SMG1: variants seen among roughly 807,000 people sequenced by gnomAD.
The protein encoded by SMG1 is serine/threonine-protein kinase SMG1.
SMG1 carries 22 observed loss-of-function variants against 419.9 expected under a neutral mutation model. The observed-to-expected ratio is 0.05, with a 90% CI of 0.04 to 0.07. The LOEUF (loss-of-function observed/expected upper bound fraction) is 0.07, where lower values mean the gene tolerates loss of function less well. Ranked by LOEUF, SMG1 falls within the 10% of genes least tolerant of loss-of-function variation. The pLI is 1.00. For synonymous variants in SMG1, 1,538 were observed against 1,553.5 expected (o/e 0.99, Z 0.23); for missense variants, 3,185 against 4,342.0 (o/e 0.73, Z 7.49).
intron 55 of SMG1, among the ~76,000 whole-genome samples, chr16:18,827,554 A>T (rs2032804913): frequency 6.9e-6 from 1 of 145,052 alleles, no homozygotes; most frequent in Non-Finnish European, 1.5e-5. Flanking sequence ...ATTTTTTTAT[A>T]TATCTTTGGT....
intron 1 of SMG1, among the ~76,000 whole-genome samples, chr16:18,899,210 T>G (rs1246159145): frequency 6.6e-6 from 1 of 152,178 alleles, no homozygotes; most frequent in Non-Finnish European, 1.5e-5. Flanking sequence ...GGGTAATCTG[T>G]TGCTACCAAC....
chr16:18,851,818 C>G (rs2034619328), intron 33 of SMG1, among the ~76,000 whole-genome samples: 1 of 152,182 alleles, frequency 6.6e-6, no homozygotes, highest in Non-Finnish European at 1.5e-5. Context: ...GCTGGGATTA[C>G]AGGTGTGAGC....
chr16:18,846,377 T>C, intron 38 of SMG1, among the ~76,000 whole-genome samples: 1 of 152,080 alleles, frequency 6.6e-6, no homozygotes. Flanking sequence ...TTGAGCTACA[T>C]CAAAATTAAA....
chr16:18,863,335 C>T (rs550118501), intron 25 of SMG1, among the ~76,000 whole-genome samples: 1 of 152,326 alleles, frequency 6.6e-6, no homozygotes, highest in Middle Eastern at 3.4e-3. Flanking sequence ...AGCCATCAAA[C>T]ATGATTCTTT....
intron 23 of SMG1, among the ~76,000 whole-genome samples, chr16:18,865,174 A>C (rs2035433326): frequency 6.6e-6 from 1 of 152,246 alleles, no homozygotes; most frequent in Non-Finnish European, 1.5e-5. Context: ...TAACACAGGA[A>C]AAATTGAGAG....
rs1456141216 is a variant in SMG1 at position 18,896,682 on chromosome 16, A to G, written c.256+111T>C. The G allele has an allele frequency of 7.2e-6, 5 of 691,202 alleles. No homozygotes were observed. In the South Asian group the frequency reaches 7.8e-5, roughly 11 times the overall value. 42.8% of individuals were successfully genotyped at this position (691,202 alleles called of 1,614,324 possible). A position where few individuals can be genotyped will look rare whatever the true frequency, so the allele number is the denominator to read the frequency against. ...AGAAATAACACTGCATTTGTTATTC[A>G]TATTTTAAATATATTAGAAGAAAGC... On this transcript the variant is annotated intron_variant, in intron 2 of 62. Transcript: ENST00000446231.
chr16:18,849,945 T>C lies in SMG1; in HGVS notation c.5461+4A>G. 6.2e-7 allele frequency: 1 copy of C among 1,612,468 alleles called. No homozygotes were observed. Among genetic ancestry groups the C allele is most frequent in the South Asian group, 1.1e-5 (1 of 90,780 alleles). Reference sequence around the variant, plus strand: ...TTTCCTGAAACATTTTATGCAGGTCTCACCTCTCCATGGTGCAGTGGGTGT... The same window carrying C: ...TTTCCTGAAACATTTTATGCAGGTCCCACCTCTCCATGGTGCAGTGGGTGT... On this transcript the variant is annotated splice_donor_region_variant and intron_variant, in intron 35 of 62. Transcript: ENST00000446231.
At chr16:18,915,299 A>C (rs1402613664) in intron 1 of SMG1, among the ~76,000 whole-genome samples, 2 of 152,024 alleles carry the variant, frequency 1.3e-5, no homozygotes, top group African/African-American at 4.8e-5. Flanking sequence ...TCTTCTGTAA[A>C]AAGATCTGGC....
At chr16:18,848,842 G>A (rs1254036489) in intron 36 of SMG1, among the ~76,000 whole-genome samples, 3 of 151,682 alleles carry the variant, frequency 2.0e-5, no homozygotes, top group South Asian at 2.1e-4. Context: ...GGAGGCCGAG[G>A]CAAGTGGATC....
Position 18,847,445 on chromosome 16 carries a change from A to G in SMG1, c.5996+8T>C. The G allele has an allele frequency of 1.2e-6, 2 of 1,613,828 alleles. No homozygotes were observed. The highest frequency in any genetic ancestry group is 1.7e-6 in the Non-Finnish European group (2 of 1,179,698). On this transcript the variant is annotated splice_region_variant and intron_variant, in intron 38 of 62. Coordinates refer to ENST00000446231, the MANE Select transcript of SMG1 (RefSeq NM_015092.5). The stretch of plus-strand genomic sequence containing the variant: ...TCACTGTCTCAGGACAAGTGTATGG[A>G]AACATACTTGCGTAAGGTGTTGTTG...
chr16:18,834,521 A>G, intron 49 of SMG1, 83 bp from the exon 50 acceptor site: 2 of 1,338,862 alleles, frequency 1.5e-6, no homozygotes, highest in Non-Finnish European at 2.0e-6. Context: ...CCATGCCTGT[A>G]ATTCCAGCAT....
intron 1 of SMG1, among the ~76,000 whole-genome samples, chr16:18,916,357 T>C (rs2037978284): frequency 6.7e-6 from 1 of 150,132 alleles, no homozygotes; most frequent in African/African-American, 2.4e-5. Flanking sequence ...CTACCAAAAA[T>C]ACAAAAAATT....
chr16:18,847,811 T>C lies in SMG1; in HGVS notation c.5841+5A>G. On this transcript the variant is annotated splice_donor_5th_base_variant and intron_variant, in intron 37 of 62. Coordinates refer to ENST00000446231, the MANE Select transcript of SMG1 (RefSeq NM_015092.5). ...TTCTTCTACAACATGTGAGTTTCTT[T>C]GTACCTGTAATACCATGGTGGGGTT... 1 of 1,610,928 alleles carries C rather than the reference T, an allele frequency of 6.2e-7. No individual in the cohort carries two copies. Among genetic ancestry groups the C allele is most frequent in the Non-Finnish European group, 8.5e-7 (1 of 1,178,840 alleles).
intron 51 of SMG1, among the ~76,000 whole-genome samples, chr16:18,832,510 G>C (rs539910621): frequency 1.3e-5 from 2 of 152,210 alleles, no homozygotes; most frequent in African/African-American, 2.4e-5. Flanking sequence ...ATGTTCGACT[G>C]TGTGTATGTA....
chr16:18,886,940 G>A (rs2036636525), intron 6 of SMG1, among the ~76,000 whole-genome samples: 1 of 152,190 alleles, frequency 6.6e-6, no homozygotes, highest in African/African-American at 2.4e-5. Flanking sequence ...GAACACATAT[G>A]TAATAAAATT....
At chr16:18,900,495 G>C (rs1233755178) in intron 1 of SMG1, among the ~76,000 whole-genome samples, 3 of 152,158 alleles carry the variant, frequency 2.0e-5, no homozygotes, top group Non-Finnish European at 4.4e-5. Flanking sequence ...GAAAAAGAGA[G>C]AGAGTGTCAT....
At chr16:18,925,331 G>A (rs1200718164) in intron 1 of SMG1, 2 of 152,156 alleles carry the variant, frequency 1.3e-5, no homozygotes, top group Non-Finnish European at 2.9e-5. Context: ...ATTCACCAGA[G>A]TAACCGGCCT....
intron 3 of SMG1, 56 bp from the exon 4 acceptor site, chr16:18,892,410 T>C (rs2036924642): frequency 1.4e-6 from 2 of 1,403,168 alleles, no homozygotes; most frequent in Non-Finnish European, 1.9e-6. Context: ...AAAGATATTT[T>C]TAAATTTTTC....
chr16:18,847,792 T>C, intron 37 of SMG1, 24 bp downstream of exon 37: 1 of 1,605,190 alleles, frequency 6.2e-7, no homozygotes, highest in Non-Finnish European at 8.5e-7. Flanking sequence ...AAAATTCTTC[T>C]ACAACATGTG....
Sources: gnomAD v4.1 joint callset for allele counts (sites outside exome capture counted in the v4.1 genomes callset) on GRCh38, gnomAD v4.1.1 for gene constraint, MANE v1.5 for transcripts, NCBI Gene and HGNC (gene_info 2026-07-23, HGNC 2026-07-21) for gene names.